Variants in UNC13C observed in about 807,000 individuals in gnomAD.
The protein encoded by UNC13C is unc-13 homolog C.
Under a neutral mutation model 245.4 loss-of-function variants are expected in UNC13C, and 174 were observed. The ratio of observed to expected loss-of-function variants is 0.71; its 90% CI spans 0.63 to 0.80. UNC13C has a LOEUF of 0.80. Among genes scored for constraint, UNC13C ranks in the 30% least tolerant of loss-of-function variants. The pLI is 0.00. For synonymous variants in UNC13C, 992 were observed against 895.1 expected (o/e 1.11, Z -1.93); for missense variants, 2,829 against 2,602.9 (o/e 1.09, Z -1.89).
intron 4 of UNC13C, among the ~76,000 whole-genome samples, chr15:54,171,230 C>G (rs956587355): frequency 2.8e-4 from 43 of 151,964 alleles, no homozygotes; most frequent in African/African-American, 9.9e-4. Context: ...TTCTTGGCAA[C>G]CAATGCAAAA....
rs8036557 is a variant in UNC13C at position 54,280,652 on chromosome 15, A to G, written c.3819-13243A>G. 3.6e-3 allele frequency among the ~76,000 whole-genome samples: 535 copies of G among 147,492 alleles called. 3 individuals are homozygous for G. Among genetic ancestry groups the G allele is most frequent in the African/African-American group, 0.013 (511 of 40,378 alleles). On this transcript the variant is annotated intron_variant, in intron 10 of 32. Transcript: ENST00000260323. ...TACAAGTATACATATATAAACATAT[A>G]TGTATGTATATACATACATATACAT...
chr15:54,561,020 T>C (rs868010915), intron 29 of UNC13C, among the ~76,000 whole-genome samples: 26 of 152,018 alleles, frequency 1.7e-4, no homozygotes, highest in Non-Finnish European at 3.7e-4. Flanking sequence ...GTTTCTTTTT[T>C]CCTCCTTTCC....
At chr15:54,038,856 A>G (rs1420915483) in intron 2 of UNC13C, among the ~76,000 whole-genome samples, 2 of 152,196 alleles carry the variant, frequency 1.3e-5, no homozygotes, top group Non-Finnish European at 1.5e-5. Context: ...CCATTTTTAC[A>G]TAAATAATTT....
chr15:54,380,803 G>C lies in UNC13C; in HGVS notation c.4714-12245G>C, dbSNP rs977505247. Among the ~76,000 whole-genome samples, 6 of 151,894 alleles carry C rather than the reference G, an allele frequency of 4.0e-5. No homozygotes were observed. In the South Asian group the frequency reaches 1.2e-3, roughly 32 times the overall value. ...TAGGTTCTTTGCCCATGTTTAATTG[G>C]GTTATTTGTTTCCTTGCTATTGAGT... On this transcript the variant is annotated intron_variant, in intron 17 of 32. Coordinates refer to ENST00000260323, the MANE Select transcript of UNC13C (RefSeq NM_001080534.3).
At chr15:54,400,742 C>T (rs774120622) in intron 18 of UNC13C, among the ~76,000 whole-genome samples, 8 of 152,036 alleles carry the variant, frequency 5.3e-5, no homozygotes, top group South Asian at 2.1e-4. Context: ...GATGACAAAA[C>T]GGTGGGTTTT....
rs375890234 is a variant in UNC13C at position 54,190,005 on chromosome 15, G to C, written c.3072-45025G>C. On this transcript the variant is annotated intron_variant, in intron 4 of 32. Coordinates refer to ENST00000260323, the MANE Select transcript of UNC13C (RefSeq NM_001080534.3). ...GCTTAATGTTTTGCATTTATAAAAG[G>C]TTTTAGAGACTAAACTGATTCTACA... Among the ~76,000 whole-genome samples, 114 of 152,220 alleles carry C rather than the reference G, an allele frequency of 7.5e-4. 2 individuals carry two copies. The East Asian group carries it at 0.018, about 25-fold the overall frequency.
the UNC13C span, among the ~76,000 whole-genome samples, chr15:53,854,521 A>G: frequency 1.3e-5 from 2 of 152,324 alleles, no homozygotes; most frequent in South Asian, 4.1e-4. Flanking sequence ...ATGGCTAAGC[A>G]GTTCTCCCAA....
chr15:54,449,651 T>C lies in UNC13C; in HGVS notation c.4933+34584T>C, dbSNP rs149906595. Among the ~76,000 whole-genome samples the C allele has an allele frequency of 3.3e-3, 507 of 152,306 alleles. 5 individuals are homozygous for C. The highest frequency in any genetic ancestry group is 0.012 in the African/African-American group (485 of 41,566). ...CAGGTCCTTTAAGGACTTCTCTGCATTGGTTATTCTAGTTAGCCATTCGAC... is the reference window on the plus strand; with the variant it reads ...CAGGTCCTTTAAGGACTTCTCTGCACTGGTTATTCTAGTTAGCCATTCGAC... On this transcript the variant is annotated intron_variant, in intron 19 of 32. Transcript: ENST00000260323.
chr15:54,574,216 G>A (rs909739079), intron 30 of UNC13C, among the ~76,000 whole-genome samples: 1 of 152,030 alleles, frequency 6.6e-6, no homozygotes, highest in Non-Finnish European at 1.5e-5. Context: ...TGTAACATTA[G>A]CAGAAATTTT....
chr15:54,302,156 ATTTG>A (rs2037602340), intron 13 of UNC13C, among the ~76,000 whole-genome samples: 2 of 152,124 alleles, frequency 1.3e-5, no homozygotes, highest in South Asian at 4.2e-4. Flanking sequence ...TTTCTTGCAA[ATTTG>A]TTTAAGTTCT....
intron 30 of UNC13C, among the ~76,000 whole-genome samples, chr15:54,584,038 G>C (rs1019902758): frequency 1.3e-5 from 2 of 152,148 alleles, no homozygotes; most frequent in African/African-American, 4.8e-5. Flanking sequence ...GGATGTGTAA[G>C]TAAGAGATTT....
chr15:54,176,299 C>T (rs548043364), intron 4 of UNC13C, among the ~76,000 whole-genome samples: 1 of 152,216 alleles, frequency 6.6e-6, no homozygotes, highest in South Asian at 2.1e-4. Context: ...CCAGTGGCTT[C>T]TAGAAGATAG....
intron 17 of UNC13C, among the ~76,000 whole-genome samples, chr15:54,346,999 G>A (rs2038874285): frequency 6.6e-6 from 1 of 152,160 alleles, no homozygotes; most frequent in African/African-American, 2.4e-5. Flanking sequence ...GAACATCTAT[G>A]TGAAAATAAA....
chr15:53,854,973 AGCAGTG>A, the UNC13C span, among the ~76,000 whole-genome samples: 1 of 152,084 alleles, frequency 6.6e-6, no homozygotes, highest in Non-Finnish European at 1.5e-5. Flanking sequence ...GATTTCCCTG[AGCAGTG>A]GTTTGTAGTT....
In UNC13C at chr15:54,430,381, A is replaced by T. The variant is rs372319239; in HGVS notation, c.4933+15314A>T. On this transcript the variant is annotated intron_variant, in intron 19 of 32. Coordinates refer to ENST00000260323, the MANE Select transcript of UNC13C (RefSeq NM_001080534.3). The stretch of plus-strand genomic sequence containing the variant: ...GAAAATTTGTGGTCAGTTGTAAAAG[A>T]AATCCAAAATTATTTTACTACTACT... 2.4e-3 allele frequency among the ~76,000 whole-genome samples: 372 copies of T among 151,846 alleles called. 1 individual carries two copies. Among genetic ancestry groups the T allele is most frequent in the Middle Eastern group, 0.02 (6 of 294 alleles).
intron 19 of UNC13C, among the ~76,000 whole-genome samples, chr15:54,455,286 AT>A (rs1891453028): frequency 7.3e-6 from 1 of 137,156 alleles, no homozygotes; most frequent in Admixed American, 7.8e-5. Context: ...CTGGTTTTGT[AT>A]TTTTGCAATC....
chr15:54,524,658 C>G (rs993289887), intron 24 of UNC13C, among the ~76,000 whole-genome samples: 3 of 152,088 alleles, frequency 2.0e-5, no homozygotes, highest in African/African-American at 7.2e-5. Flanking sequence ...GGTTCTGTAT[C>G]GGCTCCCAGG....
At chr15:54,590,294 A>G (rs925517500) in intron 30 of UNC13C, among the ~76,000 whole-genome samples, 3 of 152,052 alleles carry the variant, frequency 2.0e-5, no homozygotes, top group African/African-American at 4.8e-5. Flanking sequence ...TTCCATATGA[A>G]TTTTAGAATT....
chr15:54,298,097 A>G (rs2037483184), intron 12 of UNC13C, among the ~76,000 whole-genome samples, 171 bp downstream of exon 12: 1 of 152,176 alleles, frequency 6.6e-6, no homozygotes, highest in African/African-American at 2.4e-5. Context: ...TATGTGTTGT[A>G]TTACCCCTGA....
Sources: allele counts gnomAD v4.1 joint callset (sites outside exome capture counted in the v4.1 genomes callset), GRCh38; gene constraint gnomAD v4.1.1; transcripts MANE v1.5; gene names NCBI Gene and HGNC (gene_info 2026-07-23, HGNC 2026-07-21).